The following ECPAS variants were observed in gnomAD, a reference collection of about 807,000 sequenced individuals.
ECPAS encodes Ecm29 proteasome adaptor and scaffold.
ECPAS carries 70 observed loss-of-function variants against 255.1 expected under a neutral mutation model. The ratio of observed to expected loss-of-function variants is 0.27; its 90% confidence interval spans 0.23 to 0.33. ECPAS has a LOEUF of 0.33. Ranked by LOEUF, ECPAS falls within the 10% of genes least tolerant of loss-of-function variation. ECPAS has a pLI of 1.00. For missense variants in ECPAS, 1,817 were observed against 2,206.4 expected (o/e 0.82, Z 3.54); for synonymous variants, 784 against 775.0 (o/e 1.01, Z -0.19).
chr9:111,457,450 A>G (rs898607052), intron 2 of ECPAS, among the ~76,000 whole-genome samples: 1 of 152,218 alleles, frequency 6.6e-6, no homozygotes, highest in Admixed American at 6.5e-5. Flanking sequence ...ACAAGGTCTG[A>G]GGAATTACCT....
intron 24 of ECPAS, among the ~76,000 whole-genome samples, chr9:111,401,954 C>T (rs571994528): frequency 8.3e-4 from 127 of 152,294 alleles, no homozygotes; most frequent in African/African-American, 2.8e-3. Flanking sequence ...GTTTTACAAA[C>T]AATTTATACA....
intron 2 of ECPAS, among the ~76,000 whole-genome samples, chr9:111,452,184 T>C (rs943228163): frequency 6.6e-6 from 1 of 152,210 alleles, no homozygotes; most frequent in Non-Finnish European, 1.5e-5. Context: ...GGGGAGCCTA[T>C]GCAAACAACT....
rs1450147244 is a variant in ECPAS, at chr9:111,397,129, T to C, written c.2677A>G (p.Thr893Ala). Residue 893 changes from threonine (T) to alanine (A), a missense_variant, in exon 25 of 50, where the codon ACT becomes GCT. Coordinates refer to ENST00000684092, the MANE Select transcript of ECPAS (RefSeq NM_001364929.1). ...VEAKQIELQF[T>A]IGEAITSAAI... ...GCACTGGTAATGGCTTCGCCAATAG[T>C]GAACTGAAGTTCTATCTGCTTGGCC... 5 of 1,613,782 alleles carry C rather than the reference T, an allele frequency of 3.1e-6. No homozygotes were observed. The highest frequency in any genetic ancestry group is 2.2e-5 in the East Asian group (1 of 44,888).
At chr9:111,387,620 T>C (rs2098151722) in intron 31 of ECPAS, among the ~76,000 whole-genome samples, 3 of 151,350 alleles carry the variant, frequency 2.0e-5, no homozygotes, top group African/African-American at 7.3e-5. Context: ...TCACCATCAG[T>C]GCAGTTACTG....
Position 111,390,082 on chromosome 9 carries a change from T to A in ECPAS, c.3181A>T (p.Lys1061Ter). 1 of 1,588,746 alleles carries A rather than the reference T, an allele frequency of 6.3e-7. No individual in the cohort carries two copies. The highest frequency in any genetic ancestry group is 8.6e-7 in the Non-Finnish European group (1 of 1,161,842). The change falls in exon 30 of 50, where the codon AAG (lysine) becomes TAG (stop). Residue 1061 changes from lysine to a stop codon, truncating the protein, a stop_gained. Coordinates refer to ENST00000684092, the MANE Select transcript of ECPAS (RefSeq NM_001364929.1). LOFTEE classifies it high-confidence loss of function. ...TCACTTGCCAGAGAACAAAGTTCCT[T>A]GTAAGTAGAAAGGCCCTGACTTGGA... ...TPDGQGLSTY[K>*]ELCSLASDLS...
At position 111,407,428 on chromosome 9, in the gene ECPAS, A is replaced by AAAAAAAAAAAAAAAAAAAAAG. The variant is rs751687233; in HGVS notation, c.2652+1142_2652+1143insCTTTTTTTTTTTTTTTTTTTT. Among the ~76,000 whole-genome samples, 37 of 98,820 alleles carry AAAAAAAAAAAAAAAAAAAAAG rather than the reference A, an allele frequency of 3.7e-4. 2 individuals carry two copies. The highest frequency in any genetic ancestry group is 6.5e-4 in the Non-Finnish European group (25 of 38,758). The allele number at this position is 98,820 out of a possible 152,430, so 64.8% of individuals were successfully genotyped here. On this transcript the variant is annotated intron_variant, in intron 24 of 49. Coordinates refer to ENST00000684092, the MANE Select transcript of ECPAS (RefSeq NM_001364929.1). ...GAAAAAAAAAAAAAAAAAAAAAAAA[A>AAAAAAAAAAAAAAAAAAAAAG]AAAAAAAAAACCTAGAAGAAACCCA...
chr9:111,411,215 G>T, intron 21 of ECPAS, 73 bp from the exon 22 acceptor site: 1 of 1,437,630 alleles, frequency 7.0e-7, no homozygotes, highest in Non-Finnish European at 9.6e-7. Flanking sequence ...CAGTAACTGT[G>T]TGTCGATTAG....
chr9:111,394,015 A>C (rs1382960416), intron 26 of ECPAS, 145 bp downstream of exon 26: 2 of 863,830 alleles, frequency 2.3e-6, no homozygotes, highest in East Asian at 2.8e-5. Flanking sequence ...GCCTATATAC[A>C]TCAGGCCACC....
At chr9:111,471,493 AG>A (rs1234121280) in intron 2 of ECPAS, among the ~76,000 whole-genome samples, 1 of 152,102 alleles carries the variant, frequency 6.6e-6, no homozygotes, top group African/African-American at 2.4e-5. Flanking sequence ...AATGCATAGG[AG>A]GGGTGGGGAG....
chr9:111,391,710 T>C (rs756631448), intron 29 of ECPAS, 46 bp downstream of exon 29: 2 of 1,145,104 alleles, frequency 1.7e-6, no homozygotes, highest in Non-Finnish European at 2.6e-6. Context: ...TAAATGCATA[T>C]ATATATTTAA....
intron 32 of ECPAS, 126 bp from the exon 33 acceptor site, chr9:111,385,568 A>C: frequency 1.5e-6 from 1 of 650,594 alleles, no homozygotes; most frequent in Non-Finnish European, 2.7e-6. Flanking sequence ...ACCCCAAAAC[A>C]GCAATGACTT....
chr9:111,435,570 C>G (rs1022183565), intron 7 of ECPAS, among the ~76,000 whole-genome samples: 11 of 152,106 alleles, frequency 7.2e-5, no homozygotes, highest in Non-Finnish European at 1.3e-4. Flanking sequence ...CTAACAATTT[C>G]TATACCTTAC....
chr9:111,410,528 G>T (rs1564525730), intron 22 of ECPAS, among the ~76,000 whole-genome samples: 1 of 152,008 alleles, frequency 6.6e-6, no homozygotes, highest in South Asian at 2.1e-4. Flanking sequence ...GTTTGTTTTG[G>T]TTTTTTGAGA....
chr9:111,383,704 T>C (rs2098143502), intron 34 of ECPAS, among the ~76,000 whole-genome samples: 1 of 152,126 alleles, frequency 6.6e-6, no homozygotes, highest in Non-Finnish European at 1.5e-5. Flanking sequence ...GCGGATTGCT[T>C]GAGCCCAGGA....
chr9:111,416,384 T>G (rs1284512431), intron 17 of ECPAS, 32 bp from the exon 18 acceptor site: 2 of 1,541,560 alleles, frequency 1.3e-6, no homozygotes, highest in Non-Finnish European at 1.8e-6. Flanking sequence ...CAGACACAAT[T>G]ACTGAAAAAT....
rs1424880072 is a variant in ECPAS at position 111,370,631 on chromosome 9, C to T, written c.4782-4G>A. ...CACAGACTTTTCCAGCTCTGCACTA[C>T]AGGGTCCATACAAAAGCATCAGAAG... On this transcript the variant is annotated splice_polypyrimidine_tract_variant and splice_region_variant and intron_variant, in intron 44 of 49. Coordinates refer to ENST00000684092, the MANE Select transcript of ECPAS (RefSeq NM_001364929.1). 23 of 1,609,666 alleles carry T rather than the reference C, an allele frequency of 1.4e-5. No homozygotes were observed. The highest frequency in any genetic ancestry group is 2.0e-5 in the Non-Finnish European group (23 of 1,177,862).
chr9:111,446,620 T>C (rs1307218748), intron 3 of ECPAS, among the ~76,000 whole-genome samples: 3 of 152,180 alleles, frequency 2.0e-5, no homozygotes, highest in Admixed American at 6.5e-5. Flanking sequence ...AATATTAAAA[T>C]AGCTAATATT....
At chr9:111,464,370 C>G (rs1448718156) in intron 2 of ECPAS, among the ~76,000 whole-genome samples, 1 of 149,340 alleles carries the variant, frequency 6.7e-6, no homozygotes, top group East Asian at 2.0e-4. Flanking sequence ...CTTAAGCCTG[C>G]AATGAGTTGT....
At chr9:111,364,007 T>G (rs1319249042) in intron 48 of ECPAS, among the ~76,000 whole-genome samples, 1 of 152,192 alleles carries the variant, frequency 6.6e-6, no homozygotes, top group African/African-American at 2.4e-5. Context: ...TCCTTAGGTC[T>G]ACATGACCCT....
Sources: gnomAD v4.1 joint callset for allele counts (sites outside exome capture counted in the v4.1 genomes callset) on GRCh38, gnomAD v4.1.1 for gene constraint, MANE v1.5 for transcripts, NCBI Gene and HGNC (gene_info 2026-07-23, HGNC 2026-07-21) for gene names.